EPHA7: variants seen among roughly 807,000 people sequenced by gnomAD.
EPHA7 encodes the protein EPH receptor A7, also known as ephrin type-A receptor 7.
A neutral mutation model predicts 112.6 loss-of-function variants in EPHA7; 25 were observed. That is an observed-to-expected ratio of 0.22 (90% CI 0.16 to 0.31). EPHA7 has a LOEUF of 0.31. Among genes scored for constraint, EPHA7 ranks in the 10% least tolerant of loss-of-function variants. The pLI, the probability that EPHA7 is intolerant of heterozygous loss-of-function variation, is 1.00. For missense variants in EPHA7, 962 were observed against 1,212.6 expected, an observed-to-expected ratio of 0.79 and a Z score of 3.07; for synonymous variants, 437 against 406.5, an observed-to-expected ratio of 1.07 and a Z score of -0.90.
chr6:93,419,205 T>C lies in EPHA7; in HGVS notation c.97+40A>G, dbSNP rs376536968. ...TGGCTTGTGCAGGTAGACATCTAAA[T>C]AAATAAGTCAGAACAAACTTTGCTT... On this transcript the variant is annotated intron_variant, in intron 1 of 16. Coordinates refer to ENST00000369303, the MANE Select transcript of EPHA7 (RefSeq NM_004440.4). The C allele has an allele frequency of 3.2e-6, 5 of 1,555,704 alleles. No homozygotes were observed. The African/African-American group carries it at 5.5e-5, about 17-fold the overall frequency.
At chr6:93,303,810 C>T (rs1212778782) in intron 5 of EPHA7, among the ~76,000 whole-genome samples, 1 of 152,032 alleles carries the variant, frequency 6.6e-6, no homozygotes, top group Non-Finnish European at 1.5e-5. Context: ...GCTGTTTATT[C>T]TGTGAATGTC....
intron 5 of EPHA7, among the ~76,000 whole-genome samples, chr6:93,327,109 C>T (rs2127894932): frequency 6.6e-6 from 1 of 151,624 alleles, no homozygotes; most frequent in East Asian, 1.9e-4. Flanking sequence ...CTCTATAAAT[C>T]AGTGCAGTCT....
At chr6:93,279,936 T>C (rs1771649944) in intron 5 of EPHA7, among the ~76,000 whole-genome samples, 1 of 152,152 alleles carries the variant, frequency 6.6e-6, no homozygotes, top group South Asian at 2.1e-4. Flanking sequence ...CCCTTCACTG[T>C]AACACTAAAA....
At chr6:93,279,768 CG>C (rs1368656568) in intron 5 of EPHA7, among the ~76,000 whole-genome samples, 3 of 152,066 alleles carry the variant, frequency 2.0e-5, no homozygotes, top group South Asian at 2.1e-4. Context: ...GCTCAGCTGA[CG>C]TTTTTTTCTT....
chr6:93,331,392 T>A (rs1338934412), intron 5 of EPHA7, among the ~76,000 whole-genome samples: 2 of 151,122 alleles, frequency 1.3e-5, no homozygotes, highest in Non-Finnish European at 3.0e-5. Flanking sequence ...TTCCAAATTC[T>A]GCAACTCCTG....
intron 3 of EPHA7, among the ~76,000 whole-genome samples, chr6:93,368,163 T>G (rs912765737): frequency 6.6e-6 from 1 of 152,140 alleles, no homozygotes; most frequent in Non-Finnish European, 1.5e-5. Flanking sequence ...ATCAGTTGAT[T>G]ATGAGCTTAA....
chr6:93,292,672 A>G (rs966769502), intron 5 of EPHA7, among the ~76,000 whole-genome samples: 1 of 152,226 alleles, frequency 6.6e-6, no homozygotes, highest in Non-Finnish European at 1.5e-5. Flanking sequence ...GTATAAATAA[A>G]TAAGTTACTT....
intron 5 of EPHA7, among the ~76,000 whole-genome samples, chr6:93,309,455 C>T (rs2127861757): frequency 6.6e-6 from 1 of 151,678 alleles, no homozygotes; most frequent in East Asian, 1.9e-4. Flanking sequence ...ATTTTTTTTT[C>T]AGCACTTATA....
At chr6:93,358,148 G>T in intron 4 of EPHA7, 108 bp downstream of exon 4, 1 of 792,164 alleles carries the variant, frequency 1.3e-6, no homozygotes, top group Non-Finnish European at 1.7e-6. Flanking sequence ...TAATATTTAA[G>T]TATAATTAAG....
intron 5 of EPHA7, among the ~76,000 whole-genome samples, chr6:93,302,236 C>T (rs1271618938): frequency 6.6e-6 from 1 of 152,146 alleles, no homozygotes; most frequent in African/African-American, 2.4e-5. Context: ...GTCAGTCTTT[C>T]TCACTCCTTG....
rs73755396 is a variant in EPHA7 at position 93,370,237 on chromosome 6, C to G, written c.833-11826G>C. Among the ~76,000 whole-genome samples, 983 of 152,226 alleles carry G rather than the reference C, an allele frequency of 6.5e-3. 5 individuals are homozygous for G. Among genetic ancestry groups the G allele is most frequent in the African/African-American group, 0.023 (936 of 41,548 alleles). On this transcript the variant is annotated intron_variant, in intron 3 of 16. Transcript: ENST00000369303. Reference sequence around the variant, plus strand: ...GAATTATAAGTTATAACAAAACTATCATTTCAGGGTTGTTTCCAAGGCAAA... The same window carrying G: ...GAATTATAAGTTATAACAAAACTATGATTTCAGGGTTGTTTCCAAGGCAAA...
chr6:93,343,315 A>G (rs1314675642), intron 5 of EPHA7, among the ~76,000 whole-genome samples: 2 of 151,714 alleles, frequency 1.3e-5, no homozygotes, highest in Non-Finnish European at 3.0e-5. Context: ...AAATATTTCT[A>G]AAATTGTGTT....
intron 3 of EPHA7, among the ~76,000 whole-genome samples, chr6:93,379,236 G>A (rs9363073): frequency 0.017 from 2,581 of 152,024 alleles, 101 homozygotes; most frequent in East Asian, 0.15. Context: ...ATTCTGGTAG[G>A]TAGAAAGAAA....
chr6:93,289,474 A>T (rs113946226), intron 5 of EPHA7, among the ~76,000 whole-genome samples: 15,673 of 151,894 alleles, frequency 0.1, 1,096 homozygotes, highest in Non-Finnish European at 0.15. Flanking sequence ...AAAAAAAAAA[A>T]TTAGCTGGGA....
chr6:93,419,558 C>G lies in EPHA7; in HGVS notation c.-217G>C. On this transcript the variant is annotated 5_prime_UTR_variant, in exon 1 of 17. Coordinates refer to ENST00000369303, the MANE Select transcript of EPHA7 (RefSeq NM_004440.4). ...CTGCCTGCAAGTCTCCGACTGCAGA[C>G]CGGCCGCTTGCTCCACACTCCAATA... is the stretch of plus-strand genomic sequence containing the variant. The G allele has an allele frequency of 1.9e-6, 1 of 514,128 alleles. No individual in the cohort carries two copies. Among genetic ancestry groups the G allele is most frequent in the Non-Finnish European group, 3.4e-6 (1 of 294,466 alleles). The allele number at this position is 514,128 out of a possible 1,614,324, so 31.8% of individuals were successfully genotyped here. A position where few individuals can be genotyped will look rare whatever the true frequency, so the allele number is the denominator to read the frequency against.
rs764217573 is a variant in EPHA7 at position 93,357,002 on chromosome 6, C to A, written c.1039G>T (p.Val347Leu). Residue 347 changes from valine (V) to leucine (L), a missense_variant, in exon 5 of 17, where the codon GTA (valine) becomes TTA (leucine). Physicochemically the swap from Val to Leu is conservative, Grantham distance 32. This residue lies in a region of EPHA7 where 746 missense variants were observed against 889.2 expected (regional missense o/e 0.84). Transcript: ENST00000369303. The part of the protein sequence containing the change: ...NLIFNINQTT[V>L]SLEWSPPADN... ...GCAGGAGGACTCCATTCCAAACTTA[C>A]TGTGGTTTGGTTGATGTTGAAAATG... 1.2e-6 allele frequency: 2 copies of A among 1,613,832 alleles called. No homozygotes were observed. Among genetic ancestry groups the A allele is most frequent in the Non-Finnish European group, 1.7e-6 (2 of 1,179,980 alleles).
chr6:93,373,968 A>G (rs1017134487), intron 3 of EPHA7, among the ~76,000 whole-genome samples: 6 of 152,164 alleles, frequency 3.9e-5, no homozygotes, highest in African/African-American at 1.4e-4. Flanking sequence ...GAAATAAAGC[A>G]TAACACTACA....
intron 6 of EPHA7, 93 bp downstream of exon 6, chr6:93,272,205 T>C (rs1771257440): frequency 4.9e-6 from 7 of 1,429,494 alleles, no homozygotes; most frequent in African/African-American, 1.4e-5. Flanking sequence ...TAGCTCCAAA[T>C]TGTTGGCATA....
chr6:93,349,795 T>C (rs551816136), intron 5 of EPHA7, among the ~76,000 whole-genome samples: 1 of 152,076 alleles, frequency 6.6e-6, no homozygotes, highest in Admixed American at 6.6e-5. Flanking sequence ...AAAAGACATA[T>C]AACTTGATGT....
Sources: gnomAD v4.1 joint callset for allele counts (sites outside exome capture counted in the v4.1 genomes callset) on GRCh38, gnomAD v4.1.1 for gene constraint, gnomAD v4.1.1 regional missense constraint, MANE v1.5 for transcripts, NCBI Gene and HGNC (gene_info 2026-07-23, HGNC 2026-07-21) for gene names.